The following MEIKIN variants were observed in gnomAD, a reference collection of about 807,000 sequenced individuals.
MEIKIN encodes the protein meiosis-specific kinetochore protein.
chr5:131,892,845 T>G (rs1016871885), intron 8 of MEIKIN, among the ~76,000 whole-genome samples: 2 of 152,162 alleles, frequency 1.3e-5, no homozygotes, highest in Non-Finnish European at 1.5e-5. Context: ...TCTTTGTGGT[T>G]TTATCTACCT....
At chr5:131,829,615 AC>A (rs1216326209) in intron 11 of MEIKIN, among the ~76,000 whole-genome samples, 1 of 152,204 alleles carries the variant, frequency 6.6e-6, no homozygotes, top group African/African-American at 2.4e-5. Flanking sequence ...AATAAAAAAA[AC>A]AAGTGTTATG....
rs1477784227 is a variant in MEIKIN, at chr5:131,944,555, T to C, written c.288+110A>G. ...TGTTTATAAAAATACTGGTGAGCTA[T>C]GTAACATCTACAGAACAAAGCCCAT... On this transcript the variant is annotated intron_variant, in intron 3 of 12. Transcript: ENST00000442687. 14 of 396,772 alleles carry C rather than the reference T, an allele frequency of 3.5e-5. No homozygotes were observed. In the East Asian group the frequency reaches 4.3e-4, roughly 12 times the overall value. 24.6% of individuals were successfully genotyped at this position (396,772 alleles called of 1,614,324 possible).
At chr5:131,889,613 TGAG>T (rs1290936167) in intron 8 of MEIKIN, among the ~76,000 whole-genome samples, 3 of 152,272 alleles carry the variant, frequency 2.0e-5, no homozygotes, top group Non-Finnish European at 4.4e-5. Flanking sequence ...GATTTTGGGC[TGAG>T]AAGATGGGGT....
rs922702715 is a variant in MEIKIN, at chr5:131,921,814, C to A, written c.598+8G>T. 5.0e-6 allele frequency: 2 copies of A among 398,794 alleles called. No homozygotes were observed. The highest frequency in any genetic ancestry group is 8.9e-6 in the Non-Finnish European group (2 of 225,988). The allele number at this position is 398,794 out of a possible 1,614,324, so 24.7% of individuals were successfully genotyped here. A position where few individuals can be genotyped will look rare whatever the true frequency, so the allele number is the denominator to read the frequency against. On this transcript the variant is annotated splice_region_variant and intron_variant, in intron 6 of 12. Transcript: ENST00000442687. Reference sequence around the variant, plus strand: ...GATGAGAAATGTTCCCCTGTGTGTGCAACTCACTGAAAATTGCTGAGACAT... The same window carrying A: ...GATGAGAAATGTTCCCCTGTGTGTGAAACTCACTGAAAATTGCTGAGACAT...
At position 131,875,288 on chromosome 5, in the gene MEIKIN, C is replaced by T. The variant is rs189977335; in HGVS notation, c.774+3690G>A. The stretch of plus-strand genomic sequence containing the variant: ...ATCTCCTTAAGCTGATAGGCATCTT[C>T]AGCAAAGTCTCAAGATACAAAATCA... On this transcript the variant is annotated intron_variant, in intron 9 of 12. Coordinates refer to ENST00000442687, the MANE Select transcript of MEIKIN (RefSeq NM_001303622.2). Among the ~76,000 whole-genome samples the T allele has an allele frequency of 4.7e-3, 710 of 152,352 alleles. 8 individuals are homozygous for T. The highest frequency in any genetic ancestry group is 0.016 in the African/African-American group (674 of 41,572).
intron 8 of MEIKIN, among the ~76,000 whole-genome samples, chr5:131,896,312 G>T (rs146099318): frequency 2.6e-5 from 4 of 152,094 alleles, no homozygotes; most frequent in Admixed American, 2.0e-4. Context: ...CAATTATGTG[G>T]TCAATTTTAG....
chr5:131,837,995 G>A (rs1041135324), intron 11 of MEIKIN, among the ~76,000 whole-genome samples: 1 of 152,024 alleles, frequency 6.6e-6, no homozygotes, highest in Non-Finnish European at 1.5e-5. Context: ...TTGGCTGTGG[G>A]TTTGTCTTGG....
At chr5:131,880,289 G>A (rs1405228149) in intron 8 of MEIKIN, among the ~76,000 whole-genome samples, 2 of 145,896 alleles carry the variant, frequency 1.4e-5, no homozygotes, top group Admixed American at 1.4e-4. Context: ...TTTTAGTAGA[G>A]ACAGGGTTTC....
chr5:131,868,165 T>A (rs150408119), intron 9 of MEIKIN, among the ~76,000 whole-genome samples: 109 of 152,224 alleles, frequency 7.2e-4, no homozygotes, highest in African/African-American at 2.4e-3. Flanking sequence ...TCACAGTTCA[T>A]TGCAGCCTTG....
At chr5:131,821,689 A>G (rs1749509750) in intron 11 of MEIKIN, among the ~76,000 whole-genome samples, 1 of 114,168 alleles carries the variant, frequency 8.8e-6, no homozygotes, top group South Asian at 2.8e-4. Flanking sequence ...GCTTTTGCCC[A>G]GGGTGGAATG....
intron 12 of MEIKIN, among the ~76,000 whole-genome samples, chr5:131,808,802 G>A (rs1354273468): frequency 1.3e-5 from 2 of 152,150 alleles, no homozygotes; most frequent in Non-Finnish European, 2.9e-5. Context: ...TGGGCCAAGT[G>A]TGGTGTCTCA....
At chr5:131,838,546 A>G (rs1300574560) in intron 11 of MEIKIN, among the ~76,000 whole-genome samples, 1 of 140,726 alleles carries the variant, frequency 7.1e-6, no homozygotes, top group African/African-American at 2.4e-5. Flanking sequence ...CTGTTCAGAG[A>G]TTCAATTTCT....
intron 8 of MEIKIN, among the ~76,000 whole-genome samples, chr5:131,907,762 C>A (rs1328637576): frequency 1.3e-5 from 2 of 151,970 alleles, no homozygotes; most frequent in Non-Finnish European, 2.9e-5. Context: ...ATCCCAGCTA[C>A]TCAGGAGGCT....
chr5:131,809,084 C>CAT (rs935764091), intron 12 of MEIKIN, among the ~76,000 whole-genome samples: 24 of 147,386 alleles, frequency 1.6e-4, no homozygotes, highest in African/African-American at 5.0e-4. Flanking sequence ...AACAAAAACA[C>CAT]ATATATACCT....
At chr5:131,932,895 T>G (rs999608250) in intron 5 of MEIKIN, among the ~76,000 whole-genome samples, 1 of 152,192 alleles carries the variant, frequency 6.6e-6, no homozygotes, top group African/African-American at 2.4e-5. Context: ...GGTATTCACA[T>G]TGTTGGTTTA....
intron 5 of MEIKIN, among the ~76,000 whole-genome samples, chr5:131,933,166 TTTAAG>T (rs1339995449): frequency 6.6e-6 from 1 of 152,144 alleles, no homozygotes; most frequent in East Asian, 1.9e-4. Flanking sequence ...CTAGCTAACA[TTTAAG>T]TTATTTGCTG....
Position 131,822,801 on chromosome 5 carries a change from G to A in MEIKIN, c.976-3938C>T, listed in dbSNP as rs74803219. On this transcript the variant is annotated intron_variant, in intron 11 of 12. Coordinates refer to ENST00000442687, the MANE Select transcript of MEIKIN (RefSeq NM_001303622.2). ...TTCTACCTTTAGGTGATTTCTTATT[G>A]TTTATTAACATCCTTTTCTTTCAGA... Among the ~76,000 whole-genome samples, 320 of 151,988 alleles carry A rather than the reference G, an allele frequency of 2.1e-3. 1 individual carries two copies. The highest frequency in any genetic ancestry group is 3.5e-3 in the Non-Finnish European group (235 of 67,928).
At chr5:131,822,132 A>G (rs557387576) in intron 11 of MEIKIN, among the ~76,000 whole-genome samples, 3 of 152,254 alleles carry the variant, frequency 2.0e-5, no homozygotes, top group Non-Finnish European at 2.9e-5. Context: ...TTGGGATAAA[A>G]TATCTTTTTC....
chr5:131,869,900 T>G (rs1259328687), intron 9 of MEIKIN, among the ~76,000 whole-genome samples: 4 of 152,240 alleles, frequency 2.6e-5, no homozygotes, highest in African/African-American at 9.6e-5. Context: ...TCTTCAATAT[T>G]TGGTGCAGCA....
Sources: gnomAD v4.1 joint callset for allele counts (sites outside exome capture counted in the v4.1 genomes callset) on GRCh38, gnomAD v4.1.1 for gene constraint, MANE v1.5 for transcripts, NCBI Gene and HGNC (gene_info 2026-07-23, HGNC 2026-07-21) for gene names.